The following ITGA3 variants were observed in gnomAD, a reference collection of about 807,000 sequenced individuals.
ITGA3 encodes the protein integrin subunit alpha 3.
ITGA3 carries 70 observed loss-of-function variants against 131.1 expected under a neutral mutation model. The observed-to-expected ratio is 0.53, with a 90% CI of 0.44 to 0.65. The LOEUF (loss-of-function observed/expected upper bound fraction) is 0.65, where lower values mean the gene tolerates loss of function less well. Ranked by LOEUF, ITGA3 falls within the 30% of genes least tolerant of loss-of-function variation. ITGA3 has a pLI of 0.00. For synonymous variants in ITGA3, 537 were observed against 571.6 expected (o/e 0.94, Z 0.86); for missense variants, 1,098 against 1,388.6 (o/e 0.79, Z 3.33).
At position 50,064,435 on chromosome 17, in the gene ITGA3, G is replaced by T; in HGVS notation, c.335-93G>T. 7.8e-7 allele frequency: 1 copy of T among 1,282,128 alleles called. No individual in the cohort carries two copies. Among genetic ancestry groups the T allele is most frequent in the East Asian group, 2.4e-5 (1 of 41,400 alleles). 79.4% of individuals were successfully genotyped at this position (1,282,128 alleles called of 1,614,324 possible). On this transcript the variant is annotated intron_variant, in intron 2 of 25. Transcript: ENST00000320031. This position sits in a 1 kb window ranked among gnomAD's most constrained non-coding sequence, Gnocchi z 4.4. ...TGGGAGGGCTGCCCTGTGGGTGGAG[G>T]GCCCAAGCGGGACCCACTCCTGCCC...
At position 50,079,438 on chromosome 17, in the gene ITGA3, C is replaced by G; in HGVS notation, c.2587C>G (p.Pro863Ala). The change falls in exon 21 of 26, where the codon CCT becomes GCT. Residue 863 changes from proline (P) to alanine (A), a missense_variant. Pro to Ala is a conservative substitution (Grantham distance 27). Transcript: ENST00000320031. ...AAATCTCCTATTTCCTCTCCAGGAC[C>G]CTGGGGACAGGCCATCATCCCCACA... ...INPLNLTLSDPGDRPSSPQRR... is the reference protein window; with the variant it reads ...INPLNLTLSDAGDRPSSPQRR... The G allele has an allele frequency of 1.3e-6, 2 of 1,563,106 alleles. No homozygotes were observed. Among genetic ancestry groups the G allele is most frequent in the Admixed American group, 1.9e-5 (1 of 52,842 alleles).
chr17:50,070,644 C>CAAAAAAAA (rs59600840), intron 4 of ITGA3, among the ~76,000 whole-genome samples, 200 bp from the exon 5 acceptor site: 3 of 69,464 alleles, frequency 4.3e-5, no homozygotes, highest in African/African-American at 1.0e-4. Flanking sequence ...AAGACTGTCT[C>CAAAAAAAA]AAAAAAAAAA....
intron 1 of ITGA3, among the ~76,000 whole-genome samples, chr17:50,061,129 G>A (rs946266595): frequency 6.6e-6 from 1 of 151,952 alleles, no homozygotes; most frequent in Admixed American, 6.5e-5. Flanking sequence ...AAATACTCTG[G>A]GGGGGTGAAG....
intron 23 of ITGA3, 110 bp downstream of exon 23, chr17:50,081,518 C>A: frequency 1.2e-6 from 1 of 815,576 alleles, no homozygotes; most frequent in Non-Finnish European, 2.0e-6. Flanking sequence ...TCAATCTTGG[C>A]CACACGGTAA....
At chr17:50,062,270 G>C (rs1908124492) in intron 1 of ITGA3, among the ~76,000 whole-genome samples, 1 of 152,178 alleles carries the variant, frequency 6.6e-6, no homozygotes, top group South Asian at 2.1e-4. Context: ...GGGCACTCAG[G>C]GCTCAGAGAA....
chr17:50,084,910 GT>G (rs2144315934), intron 23 of ITGA3, among the ~76,000 whole-genome samples: 1 of 152,228 alleles, frequency 6.6e-6, no homozygotes, highest in African/African-American at 2.4e-5. Flanking sequence ...GTGAGACCCT[GT>G]CTTAAAAAGA....
intron 1 of ITGA3, chr17:50,063,846 C>A: frequency 1.8e-6 from 1 of 563,258 alleles, no homozygotes; most frequent in Non-Finnish European, 3.2e-6. Context: ...ATCACTGCCC[C>A]CTCAGCCCTG....
intron 14 of ITGA3, 63 bp downstream of exon 14, chr17:50,076,744 A>C: frequency 5.2e-6 from 3 of 579,548 alleles, no homozygotes; most frequent in Non-Finnish European, 9.6e-6. Context: ...ATTAACTGGC[A>C]GGGTGGGGGC....
intron 1 of ITGA3, among the ~76,000 whole-genome samples, chr17:50,060,112 G>T (rs1409759343): frequency 6.6e-6 from 1 of 152,166 alleles, no homozygotes; most frequent in African/African-American, 2.4e-5. Flanking sequence ...TCCCAGAGCT[G>T]CCCCCACCCC....
At position 50,075,707 on chromosome 17, in the gene ITGA3, G is replaced by A. The variant is rs557263701; in HGVS notation, c.1646G>A (p.Arg549His). 19 of 1,613,970 alleles carry A rather than the reference G, an allele frequency of 1.2e-5. No individual in the cohort carries two copies. The highest frequency in any genetic ancestry group is 1.1e-4 in the East Asian group (5 of 44,896). Residue 549 changes from arginine (R) to histidine (H), a missense_variant, in exon 12 of 26, where the codon CGC becomes CAC. Coordinates refer to ENST00000320031, the MANE Select transcript of ITGA3 (RefSeq NM_002204.4). Reference sequence around the variant, plus strand: ...GGCTTCTTCTCCATGCCCGAGATGCGCTGCCAGAAGCTGGAGCTGCTCCTG... The same window carrying A: ...GGCTTCTTCTCCATGCCCGAGATGCACTGCCAGAAGCTGGAGCTGCTCCTG... Reference protein sequence around the residue: ...FHGFFSMPEMRCQKLELLLMD... With the variant: ...FHGFFSMPEMHCQKLELLLMD...
chr17:50,078,788 T>G, intron 18 of ITGA3, 36 bp from the exon 19 acceptor site: 1 of 1,325,224 alleles, frequency 7.5e-7, no homozygotes, highest in South Asian at 1.2e-5. Context: ...CCTGGTCTCT[T>G]GTCCCCCGTG....
At chr17:50,061,283 A>C (rs1317129676) in intron 1 of ITGA3, among the ~76,000 whole-genome samples, 3 of 152,130 alleles carry the variant, frequency 2.0e-5, no homozygotes, top group African/African-American at 7.2e-5. Context: ...GGTAAGGGGA[A>C]GTATTTCAAT....
chr17:50,072,503 G>T (rs1908678064), intron 7 of ITGA3, among the ~76,000 whole-genome samples: 1 of 151,658 alleles, frequency 6.6e-6, no homozygotes, highest in African/African-American at 2.4e-5. Flanking sequence ...AAATCTAGCG[G>T]GTGTAGAGTG....
rs547943033 is a variant in ITGA3 at position 50,066,620 on chromosome 17, T to C, written c.415-1436T>C. On this transcript the variant is annotated intron_variant, in intron 3 of 25. Coordinates refer to ENST00000320031, the MANE Select transcript of ITGA3 (RefSeq NM_002204.4). ...CAAAATTCCATCTCTACCAAAAATATATAAATTAGCCCGGCATGGTGGTAT... is the reference window on the plus strand; with the variant it reads ...CAAAATTCCATCTCTACCAAAAATACATAAATTAGCCCGGCATGGTGGTAT... Among the ~76,000 whole-genome samples the C allele has an allele frequency of 1.1e-4, 16 of 152,026 alleles. 1 individual carries two copies. In the South Asian group the frequency reaches 2.7e-3, roughly 26 times the overall value.
In ITGA3 at chr17:50,076,358, C is replaced by G. The variant is rs998657043; in HGVS notation, c.1707C>G (p.Ile569Met). 34 of 1,613,694 alleles carry G rather than the reference C, an allele frequency of 2.1e-5. No homozygotes were observed. Among genetic ancestry groups the G allele is most frequent in the Non-Finnish European group, 2.9e-5 (34 of 1,179,998 alleles). Residue 569 changes from isoleucine to methionine, a missense_variant, in exon 13 of 26, where the codon ATC (isoleucine) becomes ATG (methionine). Around this residue, in one of 3 missense-constraint regions of ITGA3, gnomAD observed 699 missense variants for 829.2 expected, o/e 0.84. Transcript: ENST00000320031. Reference protein sequence around the residue: ...DNLRDKLRPIIISMNYSLPLR... With the variant: ...DNLRDKLRPIMISMNYSLPLR... Reference sequence around the variant, plus strand: ...TCCGTGACAAACTCCGCCCCATCATCATCTCCATGAACTACTCTTTACCTT... The same window carrying G: ...TCCGTGACAAACTCCGCCCCATCATGATCTCCATGAACTACTCTTTACCTT...
In ITGA3 at chr17:50,079,416, TCTC is replaced by T. The variant is rs1192722170; in HGVS notation, c.2584-16_2584-14del. 2.6e-6 allele frequency: 4 copies of T among 1,548,402 alleles called. No individual in the cohort carries two copies. The highest frequency in any genetic ancestry group is 2.5e-5 in the South Asian group (2 of 81,068). On this transcript the variant is annotated splice_polypyrimidine_tract_variant and intron_variant, in intron 20 of 25. Transcript: ENST00000320031. ...ATTCTTCCTCTGCCCTGCCAGCAAATCTCCTATTTCCTCTCCAGGACCCTGGGG... is the reference window on the plus strand; with the variant it reads ...ATTCTTCCTCTGCCCTGCCAGCAAATCTATTTCCTCTCCAGGACCCTGGGG...
At position 50,069,464 on chromosome 17, in the gene ITGA3, A is replaced by G. The variant is rs191275384; in HGVS notation, c.664+1159A>G. On this transcript the variant is annotated intron_variant, in intron 4 of 25. Coordinates refer to ENST00000320031, the MANE Select transcript of ITGA3 (RefSeq NM_002204.4). ...GAGGATCACTTGAGCCCAGGAGTTC[A>G]AGACTAACGTGGGCAACGTAGGGAG... 5.5e-4 allele frequency among the ~76,000 whole-genome samples: 84 copies of G among 152,146 alleles called. 1 individual carries two copies. The highest frequency in any genetic ancestry group is 3.4e-3 in the Middle Eastern group (1 of 294).
At chr17:50,079,591 A>G (rs762037336) in intron 21 of ITGA3, 34 bp downstream of exon 21, 2 of 1,491,174 alleles carry the variant, frequency 1.3e-6, no homozygotes, top group Admixed American at 2.4e-5. Flanking sequence ...AGGGGATTGC[A>G]TCCACCCCAT....
chr17:50,075,807 C>A, intron 12 of ITGA3, 72 bp downstream of exon 12: 2 of 1,529,662 alleles, frequency 1.3e-6, no homozygotes, highest in South Asian at 1.2e-5. Context: ...CCCCCTAGAT[C>A]AAGGGTGAGG....
Sources: allele counts gnomAD v4.1 joint callset (sites outside exome capture counted in the v4.1 genomes callset), GRCh38; gene constraint gnomAD v4.1.1; regional missense constraint gnomAD v4.1.1; non-coding constraint Gnocchi (gnomAD v3.1); transcripts MANE v1.5; gene names NCBI Gene and HGNC (gene_info 2026-07-23, HGNC 2026-07-21).